Variants in SPATA12 observed in about 807,000 individuals in gnomAD.
SPATA12 encodes spermatogenesis-associated protein 12.
For synonymous variants in SPATA12, 85 were observed against 89.2 expected (o/e 0.95, Z 0.26); for missense variants, 219 against 226.4 (o/e 0.97, Z 0.21).
chr3:57,074,041 G>A lies in SPATA12; in HGVS notation c.347G>A (p.Gly116Asp). The A allele has an allele frequency of 6.2e-7, 1 of 1,614,176 alleles. No individual in the cohort carries two copies. The highest frequency in any genetic ancestry group is 8.5e-7 in the Non-Finnish European group (1 of 1,180,030). ...SSPPALLIQQ[G>D]SCEQVIHNST... ...CCTCCAGCTCTCCTGATACAGCAAG[G>A]CAGTTGTGAGCAAGTTATTCATAAC... is the stretch of plus-strand genomic sequence containing the variant. The change falls in exon 2 of 2, where the codon GGC (glycine) becomes GAC (aspartate). Residue 116 changes from glycine (G) to aspartate (D), a missense_variant. Gly to Asp is a moderately conservative substitution (Grantham distance 94). Coordinates refer to ENST00000334325, the MANE Select transcript of SPATA12 (RefSeq NM_181727.2).
chr3:57,072,259 T>C (rs576323669), intron 1 of SPATA12, among the ~76,000 whole-genome samples: 2 of 152,288 alleles, frequency 1.3e-5, no homozygotes, highest in African/African-American at 4.8e-5. Context: ...ATTCCACTGC[T>C]AGATATATAT....
intron 1 of SPATA12, among the ~76,000 whole-genome samples, chr3:57,063,986 G>C (rs1428703892): frequency 6.6e-6 from 1 of 152,228 alleles, no homozygotes; most frequent in African/African-American, 2.4e-5. Flanking sequence ...GAAATTCCAT[G>C]CCAGCTGTGC....
chr3:57,063,170 G>A (rs973547765), intron 1 of SPATA12, among the ~76,000 whole-genome samples: 6 of 152,196 alleles, frequency 3.9e-5, no homozygotes, highest in African/African-American at 1.4e-4. Flanking sequence ...AGGCCCTGAG[G>A]TGCCCACGCA....
Position 57,075,421 on chromosome 3 carries a change from A to G in SPATA12, c.*1154A>G, listed in dbSNP as rs1706167303. 2 of 167,038 alleles carry G rather than the reference A, an allele frequency of 1.2e-5. No homozygotes were observed. 10.3% of individuals were successfully genotyped at this position (167,038 alleles called of 1,614,324 possible). ...CTCCCTAAATGTTTTTGAATAAATG[A>G]AATAAATGAGCTAAGTGGCTAAGAC... On this transcript the variant is annotated 3_prime_UTR_variant, in exon 2 of 2. Coordinates refer to ENST00000334325, the MANE Select transcript of SPATA12 (RefSeq NM_181727.2).
chr3:57,068,513 G>T (rs1438703104), intron 1 of SPATA12, among the ~76,000 whole-genome samples: 2 of 152,164 alleles, frequency 1.3e-5, no homozygotes, highest in South Asian at 2.1e-4. Context: ...CACAAAGCTG[G>T]CCAAGGATTA....
rs78659815 is a variant in SPATA12 at position 57,073,640 on chromosome 3, C to T, written c.-55C>T. The T allele has an allele frequency of 2.6e-4, 397 of 1,554,130 alleles. 1 individual carries two copies. The African/African-American group carries it at 4.3e-3, about 17-fold the overall frequency. ...CTGCATGCTCCTCAGGGATTGGCTC[C>T]GGCCAAGTGCCCCAGCCTCCTTTTC... On this transcript the variant is annotated 5_prime_UTR_variant, in exon 2 of 2. Transcript: ENST00000334325.
Position 57,074,426 on chromosome 3 carries a change from T to C in SPATA12, c.*159T>C. 1 of 642,276 alleles carries C rather than the reference T, an allele frequency of 1.6e-6. No individual in the cohort carries two copies. The highest frequency in any genetic ancestry group is 2.8e-6 in the Non-Finnish European group (1 of 360,812). 39.8% of individuals were successfully genotyped at this position (642,276 alleles called of 1,614,324 possible). On this transcript the variant is annotated 3_prime_UTR_variant, in exon 2 of 2. Coordinates refer to ENST00000334325, the MANE Select transcript of SPATA12 (RefSeq NM_181727.2). ...TATCACTTTTTCCAAGAAGCCTCCC[T>C]GTCACACTTCCCCAATATCACAGAT...
intron 1 of SPATA12, among the ~76,000 whole-genome samples, chr3:57,068,152 T>TGC (rs1242185061): frequency 6.8e-5 from 7 of 102,990 alleles, no homozygotes; most frequent in Admixed American, 5.8e-4. Flanking sequence ...AATTCAGATA[T>TGC]GCGCGCACAC....
At position 57,074,172 on chromosome 3, in the gene SPATA12, T is replaced by A. The variant is rs779509957; in HGVS notation, c.478T>A (p.Cys160Ser). ...AGATGCCGAGCCCAGTAGCACAGGG[T>A]GCAGCCGTTCAAACCAACTGACATT... is the stretch of plus-strand genomic sequence containing the variant. ...DIDAEPSSTG[C>S]SRSNQLTFTE... The change falls in exon 2 of 2, where the codon TGC becomes AGC. Residue 160 changes from cysteine to serine, a missense_variant. Cys to Ser is a moderately radical substitution (Grantham distance 112). Transcript: ENST00000334325. 6.2e-6 allele frequency: 10 copies of A among 1,614,144 alleles called. No individual in the cohort carries two copies. The East Asian group carries it at 2.2e-4, about 36-fold the overall frequency.
intron 1 of SPATA12, among the ~76,000 whole-genome samples, chr3:57,071,672 A>AAAG (rs1705914409): frequency 6.6e-6 from 1 of 152,058 alleles, no homozygotes; most frequent in Non-Finnish European, 1.5e-5. Context: ...AAAAAAAAAA[A>AAAG]AAAATATGCC....
At chr3:57,071,997 G>A (rs763018012) in intron 1 of SPATA12, among the ~76,000 whole-genome samples, 1 of 152,112 alleles carries the variant, frequency 6.6e-6, no homozygotes, top group Non-Finnish European at 1.5e-5. Context: ...ATACACAAAT[G>A]GCCAATAAGC....
intron 1 of SPATA12, among the ~76,000 whole-genome samples, chr3:57,066,261 CCTTT>C (rs1183824359): frequency 7.3e-5 from 11 of 151,712 alleles, no homozygotes; most frequent in South Asian, 2.1e-4. Flanking sequence ...TTACACTTTT[CCTTT>C]CTTTCTTTTT....
Position 57,074,375 on chromosome 3 carries a change from GC to G in SPATA12, c.*110del, listed in dbSNP as rs1202808298. ...CCACCCCCACCAGGGGTGACTCGTA[GC>G]CATCCCTTTCTGCATCTTCTTAGAT... On this transcript the variant is annotated 3_prime_UTR_variant, in exon 2 of 2. Transcript: ENST00000334325. 5 of 952,210 alleles carry G rather than the reference GC, an allele frequency of 5.3e-6. No individual in the cohort carries two copies. In the East Asian group the frequency reaches 1.2e-4, roughly 23 times the overall value. 59.0% of individuals were successfully genotyped at this position (952,210 alleles called of 1,614,324 possible).
At position 57,073,990 on chromosome 3, in the gene SPATA12, TA is replaced by T; in HGVS notation, c.299del (p.Asn100IlefsTer13). 6.2e-7 allele frequency: 1 copy of T among 1,614,178 alleles called. No individual in the cohort carries two copies. Among genetic ancestry groups the T allele is most frequent in the East Asian group, 2.2e-5 (1 of 44,872 alleles). ...TCTCTTGACATCGCTGTATCCCAAATAAATCTTCTGGGAAGACCCTCTTCAC... is the reference window on the plus strand; with the variant it reads ...TCTCTTGACATCGCTGTATCCCAAATAATCTTCTGGGAAGACCCTCTTCAC... The part of the protein sequence containing the change: ...AISLDIAVSQ[I>X]NLLGRPSSPP... On this transcript the variant is annotated frameshift_variant, in exon 2 of 2. Coordinates refer to ENST00000334325, the MANE Select transcript of SPATA12 (RefSeq NM_181727.2). LOFTEE classifies it low-confidence loss of function (END_TRUNC).
chr3:57,068,419 AAG>A (rs1705688541), intron 1 of SPATA12, among the ~76,000 whole-genome samples: 1 of 152,220 alleles, frequency 6.6e-6, no homozygotes, highest in Non-Finnish European at 1.5e-5. Flanking sequence ...AGTGCTGTTT[AAG>A]AGTCATTGCA....
intron 1 of SPATA12, among the ~76,000 whole-genome samples, chr3:57,063,874 T>C (rs1187897815): frequency 1.3e-5 from 2 of 152,180 alleles, no homozygotes; most frequent in African/African-American, 4.8e-5. Context: ...TCATTCACAA[T>C]AGACAAAAGG....
chr3:57,064,336 T>C (rs1055281197), intron 1 of SPATA12, among the ~76,000 whole-genome samples: 1 of 152,100 alleles, frequency 6.6e-6, no homozygotes, highest in Non-Finnish European at 1.5e-5. Flanking sequence ...TTTTTTTCTT[T>C]TTTTGGAGAC....
intron 1 of SPATA12, among the ~76,000 whole-genome samples, chr3:57,064,315 T>C (rs887912990): frequency 2.7e-4 from 40 of 150,522 alleles, no homozygotes; most frequent in Admixed American, 2.5e-3. Flanking sequence ...TTTCTTTTTT[T>C]TTTCTTTCTT....
chr3:57,074,519 T>C lies in SPATA12; in HGVS notation c.*252T>C, dbSNP rs903833786. On this transcript the variant is annotated 3_prime_UTR_variant, in exon 2 of 2. Transcript: ENST00000334325. ...TCACACAATCCAGATCTCATACTCT[T>C]AGCCCCCGGGGAACCTTCACTGTAT... 1 of 509,320 alleles carries C rather than the reference T, an allele frequency of 2.0e-6. No homozygotes were observed. The highest frequency in any genetic ancestry group is 1.9e-5 in the African/African-American group (1 of 51,984). The allele number at this position is 509,320 out of a possible 1,614,324, so 31.6% of individuals were successfully genotyped here.
Sources: allele counts gnomAD v4.1 joint callset (sites outside exome capture counted in the v4.1 genomes callset), GRCh38; gene constraint gnomAD v4.1.1; transcripts MANE v1.5; gene names NCBI Gene and HGNC (gene_info 2026-07-23, HGNC 2026-07-21).